Variants in PPP1R3A observed in about 807,000 individuals in gnomAD.
The protein encoded by PPP1R3A is protein phosphatase 1 regulatory subunit 3A.
PPP1R3A carries 29 observed loss-of-function variants against 41.7 expected under a neutral mutation model. That is an observed-to-expected ratio of 0.70 (90% CI 0.52 to 0.95). PPP1R3A has a LOEUF of 0.95. PPP1R3A is among the 40% of genes least tolerant of loss of function. The pLI is 0.00. For missense variants in PPP1R3A, 1,352 were observed against 1,292.4 expected, an observed-to-expected ratio of 1.05 and a Z score of -0.71; for synonymous variants, 485 against 453.4, an observed-to-expected ratio of 1.07 and a Z score of -0.89.
intron 1 of PPP1R3A, among the ~76,000 whole-genome samples, chr7:113,917,170 TC>T (rs35583140): frequency 4.6e-5 from 7 of 152,056 alleles, no homozygotes; most frequent in Admixed American, 3.3e-4. Flanking sequence ...CCAAAACAGT[TC>T]CCTTTCCTAT....
At chr7:113,894,243 T>C (rs1796942049) in intron 1 of PPP1R3A, among the ~76,000 whole-genome samples, 1 of 152,062 alleles carries the variant, frequency 6.6e-6, no homozygotes, top group South Asian at 2.1e-4. Context: ...GCAGCATTCA[T>C]AAATTGTAAG....
Position 113,879,302 on chromosome 7 carries a change from G to A in PPP1R3A, c.1790C>T (p.Thr597Ile). ...TNLSWEEAVL[T>I]PEHHHLTSEG... is the part of the protein sequence containing the mutation. ...ACTAGTCAAATGATGATGCTCTGGG[G>A]TTAACACAGCTTCTTCCCAACTTAA... The change falls in exon 4 of 4, where the codon ACC (threonine) becomes ATC (isoleucine). Residue 597 changes from threonine (T) to isoleucine (I), a missense_variant. Transcript: ENST00000284601. The A allele has an allele frequency of 6.2e-7, 1 of 1,613,562 alleles. No homozygotes were observed. The highest frequency in any genetic ancestry group is 8.5e-7 in the Non-Finnish European group (1 of 1,179,710).
chr7:113,910,377 C>A (rs938462555), intron 1 of PPP1R3A, among the ~76,000 whole-genome samples: 34 of 152,076 alleles, frequency 2.2e-4, no homozygotes, highest in African/African-American at 8.2e-4. Context: ...GTTCAGAAAT[C>A]AAGTACTGTA....
rs370637787 is a variant in PPP1R3A at position 113,877,696 on chromosome 7, T to G, written c.*27A>C. On this transcript the variant is annotated 3_prime_UTR_variant, in exon 4 of 4. Coordinates refer to ENST00000284601, the MANE Select transcript of PPP1R3A (RefSeq NM_002711.4). ...AATGTTTGGGGTTAAATAGCTTATC[T>G]TTTAAGAGAGAATAGTAGTGCTGAG... is the stretch of plus-strand genomic sequence containing the variant. 3 of 1,520,672 alleles carry G rather than the reference T, an allele frequency of 2.0e-6. No homozygotes were observed. The highest frequency in any genetic ancestry group is 1.4e-5 in the African/African-American group (1 of 71,602). The allele number at this position is 1,520,672 out of a possible 1,614,324, so 94.2% of individuals were successfully genotyped here. A position where few individuals can be genotyped will look rare whatever the true frequency, so the allele number is the denominator to read the frequency against.
intron 1 of PPP1R3A, among the ~76,000 whole-genome samples, chr7:113,884,613 T>C (rs59437547): frequency 0.31 from 47,076 of 151,818 alleles, 7,298 homozygotes; most frequent in Admixed American, 0.38. Flanking sequence ...TAGTAGAAAA[T>C]ATATGTGAAT....
chr7:113,881,952 T>G, intron 3 of PPP1R3A, 87 bp downstream of exon 3: 1 of 1,489,720 alleles, frequency 6.7e-7, no homozygotes, highest in Non-Finnish European at 9.3e-7. Flanking sequence ...TTATATTAGT[T>G]GAAGCTATTG....
intron 1 of PPP1R3A, among the ~76,000 whole-genome samples, chr7:113,891,295 T>C (rs557950440): frequency 1.4e-4 from 22 of 152,156 alleles, no homozygotes; most frequent in Non-Finnish European, 3.2e-4. Context: ...AAGTGTTTAA[T>C]AAATTATTAT....
intron 1 of PPP1R3A, among the ~76,000 whole-genome samples, chr7:113,890,001 C>A (rs1796851455): frequency 6.6e-6 from 1 of 151,600 alleles, no homozygotes. Context: ...TAAGCTGAAA[C>A]CTAAATAAGA....
intron 1 of PPP1R3A, among the ~76,000 whole-genome samples, chr7:113,890,182 C>G (rs1350864851): frequency 6.6e-6 from 1 of 152,116 alleles, no homozygotes; most frequent in Non-Finnish European, 1.5e-5. Flanking sequence ...TGGTAGTCAA[C>G]TAGCTTAAGA....
chr7:113,914,617 T>G (rs777672970), intron 1 of PPP1R3A, among the ~76,000 whole-genome samples: 1 of 152,114 alleles, frequency 6.6e-6, no homozygotes, highest in African/African-American at 2.4e-5. Flanking sequence ...GCTTGAGCCT[T>G]GCAGTTTTTC....
chr7:113,878,587 C>A lies in PPP1R3A; in HGVS notation c.2505G>T (p.Glu835Asp), dbSNP rs2129112673. Residue 835 changes from glutamate to aspartate, a missense_variant, in exon 4 of 4, where the codon GAG (glutamate) becomes GAT (aspartate). Physicochemically the swap from Glu to Asp is conservative, Grantham distance 45. Transcript: ENST00000284601. ...MYNPRKTHDREKCGTGNITSV... is the reference protein window; with the variant it reads ...MYNPRKTHDRDKCGTGNITSV... ...ATGTTATATTTCCAGTGCCACATTT[C>A]TCCCTGTCATGTGTCTTCCTAGGAT... 1 of 1,613,620 alleles carries A rather than the reference C, an allele frequency of 6.2e-7. No homozygotes were observed. Among genetic ancestry groups the A allele is most frequent in the East Asian group, 2.2e-5 (1 of 44,832 alleles).
chr7:113,884,898 G>A lies in PPP1R3A; in HGVS notation c.783-2578C>T, dbSNP rs577774990. On this transcript the variant is annotated intron_variant, in intron 1 of 3. Coordinates refer to ENST00000284601, the MANE Select transcript of PPP1R3A (RefSeq NM_002711.4). ...AAGGGTGCAGACATTTCAGAGAAGA[G>A]AAAACACATAGCCAATAAGCACATA... is the stretch of plus-strand genomic sequence containing the variant. Among the ~76,000 whole-genome samples, 4 of 151,978 alleles carry A rather than the reference G, an allele frequency of 2.6e-5. No individual in the cohort carries two copies. The East Asian group carries it at 7.8e-4, about 30-fold the overall frequency.
At position 113,890,598 on chromosome 7, in the gene PPP1R3A, C is replaced by T. The variant is rs183548865; in HGVS notation, c.783-8278G>A. On this transcript the variant is annotated intron_variant, in intron 1 of 3. Coordinates refer to ENST00000284601, the MANE Select transcript of PPP1R3A (RefSeq NM_002711.4). ...TACACACAATTATGCCATAGCTCTA[C>T]GCACAAAAGAATAAATGTTTGTGTA... Among the ~76,000 whole-genome samples the T allele has an allele frequency of 2.9e-4, 44 of 152,042 alleles. No homozygotes were observed. In the East Asian group the frequency reaches 5.6e-3, roughly 19 times the overall value.
intron 1 of PPP1R3A, among the ~76,000 whole-genome samples, chr7:113,913,734 G>C (rs536831700): frequency 3.3e-5 from 5 of 152,222 alleles, no homozygotes; most frequent in African/African-American, 9.6e-5. Context: ...CCACCCCCCA[G>C]GCCAGTAAGT....
Position 113,882,965 on chromosome 7 carries a change from T to C in PPP1R3A, c.783-645A>G, listed in dbSNP as rs1223886675. ...TTTAAAAGCAAGACTTTGGATCATT[T>C]ATATGCAAGCATATACTTTCCTTCT... On this transcript the variant is annotated intron_variant, in intron 1 of 3. Coordinates refer to ENST00000284601, the MANE Select transcript of PPP1R3A (RefSeq NM_002711.4). 2.0e-5 allele frequency among the ~76,000 whole-genome samples: 3 copies of C among 152,054 alleles called. No homozygotes were observed. The East Asian group carries it at 5.8e-4, about 29-fold the overall frequency.
chr7:113,913,602 T>C (rs1797288860), intron 1 of PPP1R3A, among the ~76,000 whole-genome samples: 1 of 152,066 alleles, frequency 6.6e-6, no homozygotes, highest in South Asian at 2.1e-4. Context: ...TTACTTAAAA[T>C]AATAAATTGG....
At chr7:113,905,858 G>A (rs573593188) in intron 1 of PPP1R3A, among the ~76,000 whole-genome samples, 1 of 151,728 alleles carries the variant, frequency 6.6e-6, no homozygotes, top group Non-Finnish European at 1.5e-5. Flanking sequence ...AATCATTTCT[G>A]ATCAGTGAAC....
At position 113,918,332 on chromosome 7, in the gene PPP1R3A, T is replaced by C. The variant is rs1797374355; in HGVS notation, c.665A>G (p.Asn222Ser). 6.2e-7 allele frequency: 1 copy of C among 1,613,320 alleles called. No homozygotes were observed. The highest frequency in any genetic ancestry group is 1.1e-5 in the South Asian group (1 of 91,040). ...AATGAATGTATAATTTGTGCCATTA[T>C]TATTTGACCAAAATGTACCAACAGA... ...ETSVGTFWSN[N>S]NGTNYTFICQ... is the part of the protein sequence containing the mutation. The change falls in exon 1 of 4, where the codon AAT becomes AGT. Residue 222 changes from asparagine (N) to serine (S), a missense_variant. Coordinates refer to ENST00000284601, the MANE Select transcript of PPP1R3A (RefSeq NM_002711.4).
chr7:113,901,078 G>A (rs1429651445), intron 1 of PPP1R3A, among the ~76,000 whole-genome samples: 1 of 151,634 alleles, frequency 6.6e-6, no homozygotes, highest in Non-Finnish European at 1.5e-5. Context: ...TGAAGATCTG[G>A]ACAGCAAGAA....
Sources: gnomAD v4.1 joint callset for allele counts (sites outside exome capture counted in the v4.1 genomes callset) on GRCh38, gnomAD v4.1.1 for gene constraint, MANE v1.5 for transcripts, NCBI Gene and HGNC (gene_info 2026-07-23, HGNC 2026-07-21) for gene names.